NBAS: variants seen among roughly 807,000 people sequenced by gnomAD.
NBAS encodes NBAS subunit of NRZ tethering complex, also known as NAG/BC035112 fusion.
In NBAS, 219 loss-of-function variants were observed where a neutral mutation model predicts 302.5. That is an observed-to-expected ratio of 0.72 (90% CI 0.65 to 0.81). NBAS has a LOEUF of 0.81. NBAS is among the 30% of genes least tolerant of loss of function. NBAS has a pLI of 0.00. For missense variants in NBAS, 2,932 were observed against 2,841.6 expected, an observed-to-expected ratio of 1.03 and a Z score of -0.72; for synonymous variants, 1,118 against 1,021.6, an observed-to-expected ratio of 1.09 and a Z score of -1.80.
At chr2:15,431,125 C>T (rs1165734600) in intron 21 of NBAS, among the ~76,000 whole-genome samples, 1 of 152,130 alleles carries the variant, frequency 6.6e-6, no homozygotes, top group East Asian at 1.9e-4. Flanking sequence ...GCAATTTGAG[C>T]CTTCTCAAGA....
At chr2:15,397,660 A>G in intron 26 of NBAS, 1 of 549,768 alleles carries the variant, frequency 1.8e-6, no homozygotes, top group Non-Finnish European at 3.4e-6. Context: ...CTATGTTTCA[A>G]ATGACGAATT....
chr2:15,254,107 C>T (rs1394944510), intron 44 of NBAS, among the ~76,000 whole-genome samples: 3 of 152,120 alleles, frequency 2.0e-5, no homozygotes, highest in Non-Finnish European at 4.4e-5. Flanking sequence ...CTGCAGATAA[C>T]GTCACTATTG....
At chr2:15,161,549 A>G in the NBAS span, among the ~76,000 whole-genome samples, 3 of 152,198 alleles carry the variant, frequency 2.0e-5, no homozygotes, top group Non-Finnish European at 4.4e-5. Context: ...TCCAGAAGAG[A>G]AAGTTCACCC....
chr2:14,991,215 C>T, the NBAS span, among the ~76,000 whole-genome samples: 1 of 151,900 alleles, frequency 6.6e-6, no homozygotes, highest in Non-Finnish European at 1.5e-5. Context: ...GGACTAGAAC[C>T]CAGATCTAAC....
chr2:15,158,577 G>T, the NBAS span, among the ~76,000 whole-genome samples: 1 of 152,320 alleles, frequency 6.6e-6, no homozygotes, highest in South Asian at 2.1e-4. Context: ...CAGGGCAGCT[G>T]CGAAGCCCCA....
At chr2:15,538,277 G>C (rs1193154061) in intron 7 of NBAS, 1 of 381,464 alleles carries the variant, frequency 2.6e-6, no homozygotes, top group Non-Finnish European at 5.3e-6. Context: ...CTTTTAGCCA[G>C]AAATAGTCTA....
intron 21 of NBAS, among the ~76,000 whole-genome samples, chr2:15,452,219 G>A (rs974598921): frequency 6.6e-6 from 1 of 152,170 alleles, no homozygotes; most frequent in Admixed American, 6.5e-5. Context: ...ATGTTGAACT[G>A]TACACTTAAA....
At chr2:15,322,745 G>A (rs907676132) in intron 38 of NBAS, among the ~76,000 whole-genome samples, 1 of 152,082 alleles carries the variant, frequency 6.6e-6, no homozygotes, top group African/African-American at 2.4e-5. Flanking sequence ...TTTTTAATCT[G>A]TGTCATTTAT....
intron 49 of NBAS, among the ~76,000 whole-genome samples, chr2:15,187,947 G>C (rs576457023): frequency 7.1e-4 from 108 of 152,350 alleles, no homozygotes; most frequent in African/African-American, 2.5e-3. Flanking sequence ...ACACAGTTCT[G>C]TGAGAGTGTC....
the NBAS span, among the ~76,000 whole-genome samples, chr2:15,147,557 A>T: frequency 6.6e-6 from 1 of 152,158 alleles, no homozygotes; most frequent in Non-Finnish European, 1.5e-5. Flanking sequence ...GCACCATTGC[A>T]CTCCAGCCTG....
chr2:15,060,250 C>A, the NBAS span, among the ~76,000 whole-genome samples: 1 of 152,138 alleles, frequency 6.6e-6, no homozygotes, highest in African/African-American at 2.4e-5. Context: ...CTCCATCCCC[C>A]CTGCCATGTC....
At chr2:15,256,141 G>C (rs1306469420) in intron 44 of NBAS, among the ~76,000 whole-genome samples, 2 of 151,908 alleles carry the variant, frequency 1.3e-5, no homozygotes, top group African/African-American at 4.8e-5. Context: ...GACTGCTTTT[G>C]GCAATATGGT....
At chr2:14,971,844 C>T in the NBAS span, among the ~76,000 whole-genome samples, 1 of 152,144 alleles carries the variant, frequency 6.6e-6, no homozygotes, top group African/African-American at 2.4e-5. Context: ...ATTGTTAAAA[C>T]CATAAATACT....
intron 32 of NBAS, among the ~76,000 whole-genome samples, chr2:15,361,104 G>A (rs994828246): frequency 2.0e-5 from 3 of 152,138 alleles, no homozygotes; most frequent in African/African-American, 4.8e-5. Context: ...GTCACTAGGC[G>A]ATAGGAATTT....
chr2:15,534,887 C>A (rs4668450), intron 8 of NBAS, among the ~76,000 whole-genome samples: 1 of 151,898 alleles, frequency 6.6e-6, no homozygotes, highest in South Asian at 2.1e-4. Context: ...CTTGAAGATA[C>A]TGACCCAAGA....
chr2:15,472,592 G>C (rs991548749), intron 16 of NBAS, among the ~76,000 whole-genome samples: 39 of 152,100 alleles, frequency 2.6e-4, no homozygotes, highest in African/African-American at 8.5e-4. Context: ...CCCCCCAGAA[G>C]CAGGCGTCCA....
chr2:14,993,206 C>G, the NBAS span, among the ~76,000 whole-genome samples: 1 of 152,110 alleles, frequency 6.6e-6, no homozygotes, highest in African/African-American at 2.4e-5. Context: ...TCCATGCTCC[C>G]CATTTTACAC....
intron 25 of NBAS, among the ~76,000 whole-genome samples, chr2:15,409,541 A>G (rs1049034508): frequency 7.9e-5 from 12 of 152,308 alleles, no homozygotes; most frequent in African/African-American, 2.9e-4. Flanking sequence ...ATTGTAGCCA[A>G]AATTCTTTTG....
chr2:14,935,900 C>T, the NBAS span, among the ~76,000 whole-genome samples: 1 of 152,186 alleles, frequency 6.6e-6, no homozygotes, highest in Non-Finnish European at 1.5e-5. Context: ...CTGGGCTTCT[C>T]CCTGGCCCAC....
Sources: allele counts gnomAD v4.1 joint callset (sites outside exome capture counted in the v4.1 genomes callset), GRCh38; gene constraint gnomAD v4.1.1; transcripts MANE v1.5; gene names NCBI Gene and HGNC (gene_info 2026-07-23, HGNC 2026-07-21).